The following LINGO2 variants were observed in gnomAD, a reference collection of about 807,000 sequenced individuals.
LINGO2 encodes the protein leucine rich repeat and Ig domain containing 2.
In LINGO2, 14 loss-of-function variants were observed where a neutral mutation model predicts 30.6. That is an observed-to-expected ratio of 0.46 (90% CI 0.30 to 0.72). The LOEUF (loss-of-function observed/expected upper bound fraction) is 0.72. Ranked by LOEUF, LINGO2 falls within the 30% of genes least tolerant of loss-of-function variation. The pLI is 0.07. For synonymous variants in LINGO2, 317 were observed against 288.5 expected, an observed-to-expected ratio of 1.10 and a Z score of -1.00; for missense variants, 729 against 751.7, an observed-to-expected ratio of 0.97 and a Z score of 0.35.
intron 1 of LINGO2, among the ~76,000 whole-genome samples, chr9:28,493,353 A>T (rs1275273137): frequency 6.6e-6 from 1 of 152,170 alleles, no homozygotes. Flanking sequence ...TCACTTTTAA[A>T]ATCAACATTG....
At chr9:28,788,658 A>T in the LINGO2 span, among the ~76,000 whole-genome samples, 2 of 152,170 alleles carry the variant, frequency 1.3e-5, no homozygotes, top group African/African-American at 4.8e-5. Flanking sequence ...AAAGCAAGGC[A>T]AATTCTTCAC....
chr9:28,911,255 AT>A, the LINGO2 span, among the ~76,000 whole-genome samples: 1 of 152,060 alleles, frequency 6.6e-6, no homozygotes, highest in Non-Finnish European at 1.5e-5. Flanking sequence ...AATTCTCCAT[AT>A]TCTTCATATA....
chr9:29,031,390 C>T, the LINGO2 span, among the ~76,000 whole-genome samples: 3 of 152,076 alleles, frequency 2.0e-5, no homozygotes, highest in Non-Finnish European at 4.4e-5. Flanking sequence ...TCAAGCGATT[C>T]TTCAGCCTCA....
the LINGO2 span, among the ~76,000 whole-genome samples, chr9:29,130,914 C>A: frequency 6.6e-6 from 1 of 152,006 alleles, no homozygotes; most frequent in East Asian, 1.9e-4. Context: ...ATACCTGAAG[C>A]CTGAGACCTG....
chr9:28,451,429 T>A (rs1824643050), intron 2 of LINGO2, among the ~76,000 whole-genome samples: 1 of 151,842 alleles, frequency 6.6e-6, no homozygotes, highest in Non-Finnish European at 1.5e-5. Context: ...GATAAAGCTT[T>A]ACTTTTTTAA....
rs1420520978 is a variant in LINGO2, at chr9:28,148,475, G to C, written c.-86-136070C>G. 1 of 1,427,578 alleles carries C rather than the reference G, an allele frequency of 7.0e-7. No homozygotes were observed. The highest frequency in any genetic ancestry group is 1.4e-5 in the African/African-American group (1 of 70,762). The allele number at this position is 1,427,578 out of a possible 1,614,324, so 88.4% of individuals were successfully genotyped here. A position where few individuals can be genotyped will look rare whatever the true frequency, so the allele number is the denominator to read the frequency against. ...GCCCAGAGAAGCAACGGAGGTGACA[G>C]ACCAGGTAGAGACCCAGGGGCAGGA... On this transcript the variant is annotated intron_variant, in intron 4 of 5. Transcript: ENST00000379992. The surrounding 1 kb of genome is among the most constrained non-coding windows in gnomAD (Gnocchi z 5.1).
the LINGO2 span, among the ~76,000 whole-genome samples, chr9:29,049,508 T>G: frequency 6.6e-6 from 1 of 152,216 alleles, no homozygotes; most frequent in Non-Finnish European, 1.5e-5. Context: ...CTTCTATGTT[T>G]GTTGCAGCAC....
intron 4 of LINGO2, among the ~76,000 whole-genome samples, chr9:28,222,696 A>G (rs1821009224): frequency 6.6e-6 from 1 of 152,218 alleles, no homozygotes; most frequent in Non-Finnish European, 1.5e-5. Context: ...TGCGCACAAA[A>G]CACTGAATAA....
chr9:28,550,970 G>T (rs942309963), intron 1 of LINGO2, among the ~76,000 whole-genome samples: 1 of 151,786 alleles, frequency 6.6e-6, no homozygotes, highest in Non-Finnish European at 1.5e-5. Flanking sequence ...GAAAGAAGCA[G>T]AAGGAGATCC....
intron 1 of LINGO2, among the ~76,000 whole-genome samples, chr9:28,492,174 A>G (rs910457350): frequency 7.2e-5 from 11 of 152,202 alleles, no homozygotes; most frequent in African/African-American, 2.7e-4. Context: ...GGAATGCTCC[A>G]CACAGAACTA....
At chr9:29,115,145 A>G in the LINGO2 span, among the ~76,000 whole-genome samples, 1 of 152,090 alleles carries the variant, frequency 6.6e-6, no homozygotes, top group African/African-American at 2.4e-5. Flanking sequence ...CATTTGGCAG[A>G]CAACTTGCTA....
chr9:28,575,329 G>T (rs1329289431), intron 1 of LINGO2, among the ~76,000 whole-genome samples: 1 of 151,354 alleles, frequency 6.6e-6, no homozygotes, highest in Non-Finnish European at 1.5e-5. Context: ...AACCTCGGCG[G>T]CAGAGGTTGC....
At chr9:28,735,488 GC>G in the LINGO2 span, among the ~76,000 whole-genome samples, 1 of 151,818 alleles carries the variant, frequency 6.6e-6, no homozygotes, top group African/African-American at 2.4e-5. Flanking sequence ...TTATAAATAT[GC>G]CCATTTGGTG....
the LINGO2 span, among the ~76,000 whole-genome samples, chr9:28,792,696 C>T: frequency 1.3e-5 from 2 of 152,052 alleles, no homozygotes; most frequent in African/African-American, 4.8e-5. Context: ...ACAACTCCAC[C>T]TATCCAAAAT....
At chr9:28,105,065 G>A (rs1826543499) in intron 4 of LINGO2, among the ~76,000 whole-genome samples, 1 of 152,126 alleles carries the variant, frequency 6.6e-6, no homozygotes, top group South Asian at 2.1e-4. Context: ...ATTGCAATTA[G>A]AGTTAGGAAG....
At chr9:28,649,705 A>G (rs1455255675) in intron 1 of LINGO2, among the ~76,000 whole-genome samples, 1 of 152,156 alleles carries the variant, frequency 6.6e-6, no homozygotes, top group Non-Finnish European at 1.5e-5. Flanking sequence ...TGGGAAAAAA[A>G]TTGTAAAAGC....
intron 2 of LINGO2, among the ~76,000 whole-genome samples, chr9:28,438,375 T>C (rs1824039549): frequency 6.6e-6 from 1 of 152,096 alleles, no homozygotes; most frequent in East Asian, 1.9e-4. Context: ...AAGGACAAAT[T>C]TTCCTTCCGT....
At chr9:28,209,318 C>T (rs766415383) in intron 4 of LINGO2, among the ~76,000 whole-genome samples, 1 of 151,894 alleles carries the variant, frequency 6.6e-6, no homozygotes, top group Non-Finnish European at 1.5e-5. Flanking sequence ...TTGTATGTAT[C>T]ATTCATTCTG....
chr9:28,717,857 A>G, the LINGO2 span, among the ~76,000 whole-genome samples: 2 of 151,956 alleles, frequency 1.3e-5, no homozygotes, highest in African/African-American at 4.8e-5. Flanking sequence ...TAACTCTCAG[A>G]CCTTACTATG....
Sources: gnomAD v4.1 joint callset for allele counts (sites outside exome capture counted in the v4.1 genomes callset) on GRCh38, gnomAD v4.1.1 for gene constraint, Gnocchi (gnomAD v3.1) non-coding constraint, MANE v1.5 for transcripts, NCBI Gene and HGNC (gene_info 2026-07-23, HGNC 2026-07-21) for gene names.